COL25A1: variants seen among roughly 807,000 people sequenced by gnomAD.
COL25A1 encodes the protein collagen alpha-1(XXV) chain.
Under a neutral mutation model 128.4 loss-of-function variants are expected in COL25A1, and 103 were observed. The ratio of observed to expected loss-of-function variants is 0.80; its 90% CI spans 0.68 to 0.94. The LOEUF is 0.94. Ranked by LOEUF, COL25A1 falls within the 40% of genes least tolerant of loss-of-function variation. The probability of loss-of-function intolerance (pLI) is 0.00; values close to 1 mark genes in which losing one functional copy is unlikely to be tolerated. For missense variants in COL25A1, 745 were observed against 840.0 expected (o/e 0.89, Z 1.40); for synonymous variants, 279 against 277.2 (o/e 1.01, Z -0.06).
intron 6 of COL25A1, among the ~76,000 whole-genome samples, chr4:108,994,610 T>A (rs1395497855): frequency 6.6e-6 from 1 of 152,188 alleles, no homozygotes; most frequent in Non-Finnish European, 1.5e-5. Flanking sequence ...AAGAGAGCAG[T>A]GGTTCTCTCA....
chr4:109,277,582 T>C (rs1722963371), intron 3 of COL25A1, among the ~76,000 whole-genome samples: 1 of 152,222 alleles, frequency 6.6e-6, no homozygotes, highest in Non-Finnish European at 1.5e-5. Flanking sequence ...CCAGACAACC[T>C]GTATTTTCAT....
At chr4:108,893,502 C>G (rs1474434) in intron 16 of COL25A1, among the ~76,000 whole-genome samples, 81,749 of 151,824 alleles carry the variant, frequency 0.54, 23,355 homozygotes, top group East Asian at 0.99. Context: ...GTAGGCCAGA[C>G]TGTGCTGAAG....
chr4:109,164,495 G>A (rs1322550124), intron 3 of COL25A1, among the ~76,000 whole-genome samples: 3 of 152,060 alleles, frequency 2.0e-5, no homozygotes, highest in African/African-American at 7.2e-5. Flanking sequence ...CTGGTTGGTT[G>A]GTTTTGTTTT....
At chr4:109,068,160 T>C (rs1762616829) in intron 3 of COL25A1, among the ~76,000 whole-genome samples, 1 of 152,202 alleles carries the variant, frequency 6.6e-6, no homozygotes, top group African/African-American at 2.4e-5. Flanking sequence ...TAATCTCCTG[T>C]ATTATTGCTT....
intron 3 of COL25A1, among the ~76,000 whole-genome samples, chr4:109,144,450 A>T (rs1447373999): frequency 6.6e-6 from 1 of 152,208 alleles, no homozygotes; most frequent in Non-Finnish European, 1.5e-5. Flanking sequence ...TGCTCTCTTC[A>T]CAGTCAGCAG....
intron 8 of COL25A1, among the ~76,000 whole-genome samples, chr4:108,962,288 A>T (rs1750811722): frequency 6.6e-6 from 1 of 151,794 alleles, no homozygotes; most frequent in Non-Finnish European, 1.5e-5. Context: ...CCCGGGTTCA[A>T]GCGATTCTCC....
At chr4:108,876,484 C>A (rs991682335) in intron 19 of COL25A1, among the ~76,000 whole-genome samples, 2 of 152,068 alleles carry the variant, frequency 1.3e-5, no homozygotes, top group African/African-American at 2.4e-5. Context: ...TCCTGGAAAT[C>A]TCCAACTAGA....
chr4:109,219,879 T>A (rs1313635588), intron 3 of COL25A1, among the ~76,000 whole-genome samples: 1 of 152,186 alleles, frequency 6.6e-6, no homozygotes, highest in African/African-American at 2.4e-5. Context: ...AAATCCATGT[T>A]AAAATAAAAA....
At chr4:109,234,784 C>G (rs1779362359) in intron 3 of COL25A1, among the ~76,000 whole-genome samples, 1 of 152,076 alleles carries the variant, frequency 6.6e-6, no homozygotes, top group African/African-American at 2.4e-5. Context: ...AGTTGAATCT[C>G]TATAAGAACA....
At chr4:109,206,526 A>G (rs1159008952) in intron 3 of COL25A1, among the ~76,000 whole-genome samples, 1 of 152,164 alleles carries the variant, frequency 6.6e-6, no homozygotes, top group Non-Finnish European at 1.5e-5. Flanking sequence ...CATTACCCAC[A>G]ACAAACTTTT....
intron 9 of COL25A1, among the ~76,000 whole-genome samples, chr4:108,940,975 T>C (rs534674856): frequency 3.3e-5 from 5 of 152,330 alleles, no homozygotes; most frequent in African/African-American, 1.2e-4. Flanking sequence ...CTGCATCAGT[T>C]ACATTCACCT....
intron 12 of COL25A1, among the ~76,000 whole-genome samples, chr4:108,919,924 A>T (rs1745305693): frequency 1.3e-5 from 2 of 152,018 alleles, no homozygotes; most frequent in South Asian, 4.2e-4. Context: ...CACCACACCC[A>T]GCTATTTTTG....
chr4:109,027,917 T>C (rs762386421), intron 5 of COL25A1, among the ~76,000 whole-genome samples: 3 of 152,116 alleles, frequency 2.0e-5, no homozygotes, highest in Admixed American at 6.6e-5. Context: ...CTAGGAGACA[T>C]CCATGTGCAA....
intron 3 of COL25A1, among the ~76,000 whole-genome samples, chr4:109,181,288 T>C (rs1024150093): frequency 1.3e-5 from 2 of 152,086 alleles, no homozygotes; most frequent in Non-Finnish European, 2.9e-5. Flanking sequence ...ACACGTATCT[T>C]TTACATTCAA....
intron 11 of COL25A1, among the ~76,000 whole-genome samples, chr4:108,925,564 T>C (rs1292828166): frequency 6.6e-6 from 1 of 152,184 alleles, no homozygotes; most frequent in Non-Finnish European, 1.5e-5. Flanking sequence ...AGAACAATTG[T>C]ATGTGTATGG....
intron 11 of COL25A1, among the ~76,000 whole-genome samples, chr4:108,933,533 T>C (rs1022528648): frequency 2.0e-5 from 3 of 152,332 alleles, no homozygotes; most frequent in South Asian, 2.1e-4. Flanking sequence ...TTTGACATGT[T>C]GTAATTTAAT....
intron 5 of COL25A1, chr4:109,021,718 T>G: frequency 2.2e-6 from 1 of 453,340 alleles, no homozygotes; most frequent in Non-Finnish European, 4.4e-6. Flanking sequence ...TATCACCAAA[T>G]TCTTTTCCTA....
Position 108,832,411 on chromosome 4 carries a change from G to A in COL25A1, c.1679C>T (p.Pro560Leu), listed in dbSNP as rs1733234120. The A allele has an allele frequency of 1.9e-6, 3 of 1,610,324 alleles. No individual in the cohort carries two copies. The highest frequency in any genetic ancestry group is 2.5e-6 in the Non-Finnish European group (3 of 1,177,758). The change falls in exon 32 of 38, where the codon CCC (proline) becomes CTC (leucine). Residue 560 changes from proline to leucine, a missense_variant. Physicochemically the swap from Pro to Leu is moderately conservative, Grantham distance 98. Coordinates refer to ENST00000399132, the MANE Select transcript of COL25A1 (RefSeq NM_198721.4). ...TCCTTTGGGACCTGCAGGGCCATGGGGTCCCATAGGACCATCTGTACCCTA... is the reference window on the plus strand; with the variant it reads ...TCCTTTGGGACCTGCAGGGCCATGGAGTCCCATAGGACCATCTGTACCCTA... Reference protein sequence around the residue: ...GPKGTDGPMGPHGPAGPKGER... With the variant: ...GPKGTDGPMGLHGPAGPKGER...
At chr4:109,121,464 A>G (rs370985777) in intron 3 of COL25A1, among the ~76,000 whole-genome samples, 5 of 152,214 alleles carry the variant, frequency 3.3e-5, no homozygotes, top group African/African-American at 1.2e-4. Flanking sequence ...AAGCGGACAA[A>G]AGATCTAAAA....
Sources: gnomAD v4.1 joint callset for allele counts (sites outside exome capture counted in the v4.1 genomes callset) on GRCh38, gnomAD v4.1.1 for gene constraint, MANE v1.5 for transcripts, NCBI Gene and HGNC (gene_info 2026-07-23, HGNC 2026-07-21) for gene names.